KDM1B: variants seen among roughly 807,000 people sequenced by gnomAD.
The protein encoded by KDM1B is lysine-specific histone demethylase 2.
In KDM1B, 63 loss-of-function variants were observed where a neutral mutation model predicts 107.4. The observed-to-expected ratio is 0.59, with a 90% CI of 0.48 to 0.72. The LOEUF (loss-of-function observed/expected upper bound fraction) is 0.72, where lower values mean the gene tolerates loss of function less well. KDM1B is among the 30% of genes least tolerant of loss of function. The pLI is 0.00. For synonymous variants in KDM1B, 363 were observed against 363.9 expected (o/e 1.00, Z 0.03); for missense variants, 749 against 1,020.8 (o/e 0.73, Z 3.63).
intron 17 of KDM1B, among the ~76,000 whole-genome samples, chr6:18,210,136 G>A (rs535840996): frequency 5.9e-5 from 9 of 152,032 alleles, no homozygotes; most frequent in East Asian, 1.9e-4. Context: ...TAGCTAGCAC[G>A]CACCACAGTT....
intron 12 of KDM1B, among the ~76,000 whole-genome samples, chr6:18,199,779 A>C (rs138594617): frequency 1.1e-4 from 17 of 151,896 alleles, no homozygotes; most frequent in South Asian, 1.0e-3. Flanking sequence ...TGCTATGTAG[A>C]TATTTCTTAG....
chr6:18,176,837 T>C (rs1202980921), intron 7 of KDM1B, among the ~76,000 whole-genome samples: 6 of 152,222 alleles, frequency 3.9e-5, no homozygotes, highest in South Asian at 4.1e-4. Context: ...CTTTTTGATA[T>C]GTTGTTGGAT....
chr6:18,185,839 G>A (rs1786817701), intron 8 of KDM1B, 29 bp downstream of exon 8: 2 of 1,603,790 alleles, frequency 1.2e-6, no homozygotes, highest in Non-Finnish European at 1.7e-6. Flanking sequence ...TGTGGATTGG[G>A]GTTAATTGTG....
In KDM1B at chr6:18,203,562, A is replaced by G. The variant is rs990641327; in HGVS notation, c.1531+1905A>G. Among the ~76,000 whole-genome samples, 12 of 152,160 alleles carry G rather than the reference A, an allele frequency of 7.9e-5. No homozygotes were observed. The highest frequency in any genetic ancestry group is 2.9e-4 in the African/African-American group (12 of 41,440). On this transcript the variant is annotated intron_variant, in intron 14 of 21. Coordinates refer to ENST00000650836, the MANE Select transcript of KDM1B (RefSeq NM_001364614.2). The surrounding 1 kb of genome is among the most constrained non-coding windows in gnomAD (Gnocchi z 5.5). ...TGTTTTAAATATTATTTACATAAAA[A>G]TCACACTGTGCTGGGCGCGGTGGCT...
chr6:18,221,115 C>T (rs1789694318), intron 21 of KDM1B, among the ~76,000 whole-genome samples: 1 of 152,060 alleles, frequency 6.6e-6, no homozygotes, highest in Non-Finnish European at 1.5e-5. Context: ...TATATTCCTG[C>T]TGATGTAATC....
intron 21 of KDM1B, 69 bp from the exon 22 acceptor site, chr6:18,221,840 C>A: frequency 1.6e-6 from 2 of 1,266,012 alleles, no homozygotes; most frequent in Non-Finnish European, 2.2e-6. Context: ...TAAAGTCTAA[C>A]CTTGTTTTAC....
intron 10 of KDM1B, among the ~76,000 whole-genome samples, chr6:18,192,282 C>A (rs1787329009): frequency 6.6e-6 from 1 of 152,176 alleles, no homozygotes; most frequent in South Asian, 2.1e-4. Flanking sequence ...CACAGAGATT[C>A]TCTTGACCCT....
Position 18,171,480 on chromosome 6 carries a change from G to A in KDM1B, c.534+1G>A. Reference sequence around the variant, plus strand: ...TATGAAACCAAATACTGCTATTAAGGTATGTTCTCTTTTTGCTTTTGAGTT... The same window carrying A: ...TATGAAACCAAATACTGCTATTAAGATATGTTCTCTTTTTGCTTTTGAGTT... On this transcript the variant is annotated splice_donor_variant, in intron 7 of 21. Coordinates refer to ENST00000650836, the MANE Select transcript of KDM1B (RefSeq NM_001364614.2). LOFTEE classifies it high-confidence loss of function. 6.6e-7 allele frequency: 1 copy of A among 1,507,266 alleles called. No homozygotes were observed. The highest frequency in any genetic ancestry group is 9.2e-7 in the Non-Finnish European group (1 of 1,082,554). 93.4% of individuals were successfully genotyped at this position (1,507,266 alleles called of 1,614,324 possible). A position where few individuals can be genotyped will look rare whatever the true frequency, so the allele number is the denominator to read the frequency against.
Position 18,222,034 on chromosome 6 carries a change from A to C in KDM1B, c.*42A>C. On this transcript the variant is annotated 3_prime_UTR_variant, in exon 22 of 22. Transcript: ENST00000650836. ...GCTTTCTTCTGTACCCCAGATGGGG[A>C]AATTTGAATCACATGTTAAACCTCA... 1.3e-6 allele frequency: 2 copies of C among 1,557,502 alleles called. No individual in the cohort carries two copies. Among genetic ancestry groups the C allele is most frequent in the Non-Finnish European group, 1.8e-6 (2 of 1,128,520 alleles).
Position 18,198,616 on chromosome 6 carries a change from T to A in KDM1B, c.1221+955T>A, listed in dbSNP as rs214616. Among the ~76,000 whole-genome samples, 703 of 125,702 alleles carry A rather than the reference T, an allele frequency of 5.6e-3. 8 individuals are homozygous for A. Among genetic ancestry groups the A allele is most frequent in the African/African-American group, 0.018 (652 of 35,418 alleles). 82.5% of individuals were successfully genotyped at this position (125,702 alleles called of 152,430 possible). ...TTGCGCCACTGCACTCCAGCCTGGG[T>A]GACAGAGCGAGACTCCATCTCAAAA... On this transcript the variant is annotated intron_variant, in intron 12 of 21. Coordinates refer to ENST00000650836, the MANE Select transcript of KDM1B (RefSeq NM_001364614.2).
At chr6:18,161,081 CAT>C (rs1430911337) in intron 3 of KDM1B, among the ~76,000 whole-genome samples, 2 of 152,068 alleles carry the variant, frequency 1.3e-5, no homozygotes, top group Non-Finnish European at 2.9e-5. Context: ...AAGAAAGACT[CAT>C]ATGAATTTAG....
intron 17 of KDM1B, among the ~76,000 whole-genome samples, chr6:18,210,362 T>TG (rs1788768267): frequency 2.9e-5 from 3 of 101,968 alleles, no homozygotes; most frequent in South Asian, 7.5e-4. Flanking sequence ...TTTTTTTTTT[T>TG]TTTTTTTTTT....
Position 18,223,648 on chromosome 6 carries a change from C to T in KDM1B, c.*1656C>T, listed in dbSNP as rs1302856974. ...AAGTATGGTAAATGTGTGTTTTAAACTTCCTATCAAGTGACATACTTCATT... is the reference window on the plus strand; with the variant it reads ...AAGTATGGTAAATGTGTGTTTTAAATTTCCTATCAAGTGACATACTTCATT... On this transcript the variant is annotated 3_prime_UTR_variant, in exon 22 of 22. Transcript: ENST00000650836. 1 of 152,116 alleles carries T rather than the reference C, an allele frequency of 6.6e-6. No homozygotes were observed. Among genetic ancestry groups the T allele is most frequent in the Non-Finnish European group, 1.5e-5 (1 of 68,036 alleles). 9.4% of individuals were successfully genotyped at this position (152,116 alleles called of 1,614,324 possible).
rs1787718729 is a variant in KDM1B, at chr6:18,197,384, A to C, written c.1146+151A>C. 1 of 872,634 alleles carries C rather than the reference A, an allele frequency of 1.1e-6. No individual in the cohort carries two copies. Among genetic ancestry groups the C allele is most frequent in the Non-Finnish European group, 1.7e-6 (1 of 574,272 alleles). The allele number at this position is 872,634 out of a possible 1,614,324, so 54.1% of individuals were successfully genotyped here. On this transcript the variant is annotated intron_variant, in intron 11 of 21. Transcript: ENST00000650836. The surrounding 1 kb of genome is among the most constrained non-coding windows in gnomAD (Gnocchi z 4.5). Reference sequence around the variant, plus strand: ...AGAATGTGTTTCTCCTGAAAGGAGAATATCAAGCACTCTTTCCCCAGATTG... The same window carrying C: ...AGAATGTGTTTCTCCTGAAAGGAGACTATCAAGCACTCTTTCCCCAGATTG...
chr6:18,179,238 G>A (rs1339463358), intron 7 of KDM1B, among the ~76,000 whole-genome samples: 1 of 151,642 alleles, frequency 6.6e-6, no homozygotes, highest in Admixed American at 6.6e-5. Context: ...TGCATTCCTG[G>A]GGGAAAAAAA....
chr6:18,205,217 G>A lies in KDM1B; in HGVS notation c.1532-320G>A, dbSNP rs899141574. On this transcript the variant is annotated intron_variant, in intron 14 of 21. Coordinates refer to ENST00000650836, the MANE Select transcript of KDM1B (RefSeq NM_001364614.2). The surrounding 1 kb of genome is among the most constrained non-coding windows in gnomAD (Gnocchi z 5.7). ...TGGGGACAGTTTTTCTGTATCTTGA[G>A]CAAAAGAGGAAACCACTTCTCAACG... Among the ~76,000 whole-genome samples, 2 of 152,098 alleles carry A rather than the reference G, an allele frequency of 1.3e-5. No homozygotes were observed. The highest frequency in any genetic ancestry group is 4.8e-5 in the African/African-American group (2 of 41,410).
rs1359166965 is a variant in KDM1B, at chr6:18,208,603, G to GTGTGTGTATATATATATATA, written c.1866+398_1866+399insGTGTGTATATATATATATAT. Among the ~76,000 whole-genome samples the GTGTGTGTATATATATATATA allele has an allele frequency of 5.4e-4, 19 of 34,916 alleles. 1 individual carries two copies. Among genetic ancestry groups the GTGTGTGTATATATATATATA allele is most frequent in the South Asian group, 1.4e-3 (1 of 704 alleles). The allele number at this position is 34,916 out of a possible 152,430, so 22.9% of individuals were successfully genotyped here. Reference sequence around the variant, plus strand: ...TAGGGTTAAATAGAAGTATGTGTATGTATATATATATATATATATATATAT... The same window carrying GTGTGTGTATATATATATATA: ...TAGGGTTAAATAGAAGTATGTGTATGTGTGTGTATATATATATATATATATATATATATATATATATATAT... On this transcript the variant is annotated intron_variant, in intron 17 of 21. Transcript: ENST00000650836.
intron 10 of KDM1B, among the ~76,000 whole-genome samples, chr6:18,193,647 A>G (rs113701797): frequency 0.038 from 5,775 of 152,116 alleles, 123 homozygotes; most frequent in Middle Eastern, 0.071. Flanking sequence ...CAAATGTATT[A>G]TCTTCTGCAG....
rs1214430283 is a variant in KDM1B at position 18,214,720 on chromosome 6, G to T, written c.2110-287G>T. ...AGGTCAGGAGTTTGAGACCAGTCTG[G>T]CCAACATGGTGAAACCCTGTCTCTA... On this transcript the variant is annotated intron_variant, in intron 19 of 21. Transcript: ENST00000650836. The surrounding 1 kb of genome is among the most constrained non-coding windows in gnomAD (Gnocchi z 4.4). Among the ~76,000 whole-genome samples, 1 of 152,128 alleles carries T rather than the reference G, an allele frequency of 6.6e-6. No homozygotes were observed. The highest frequency in any genetic ancestry group is 2.4e-5 in the African/African-American group (1 of 41,416).
Sources: gnomAD v4.1 joint callset for allele counts (sites outside exome capture counted in the v4.1 genomes callset) on GRCh38, gnomAD v4.1.1 for gene constraint, Gnocchi (gnomAD v3.1) non-coding constraint, MANE v1.5 for transcripts, NCBI Gene and HGNC (gene_info 2026-07-23, HGNC 2026-07-21) for gene names.